Variants in UBE3D observed in about 807,000 individuals in gnomAD.
UBE3D encodes E3 ubiquitin-protein ligase E3D.
UBE3D carries 48 observed loss-of-function variants against 49.6 expected under a neutral mutation model. The observed-to-expected ratio is 0.97, with a 90% CI of 0.77 to 1.23. The LOEUF (loss-of-function observed/expected upper bound fraction) is 1.23. Among genes scored for constraint, UBE3D ranks in the 50% most tolerant of loss-of-function variants. The probability of loss-of-function intolerance (pLI) is 0.00; values close to 1 mark genes in which losing one functional copy is unlikely to be tolerated. For missense variants in UBE3D, 452 were observed against 468.4 expected (o/e 0.96, Z 0.32); for synonymous variants, 189 against 174.2 (o/e 1.08, Z -0.67).
intron 9 of UBE3D, among the ~76,000 whole-genome samples, chr6:82,933,411 C>T (rs1774317423): frequency 6.6e-6 from 1 of 152,312 alleles, no homozygotes; most frequent in South Asian, 2.1e-4. Flanking sequence ...AGTAAATACA[C>T]AGTCACAATC....
At chr6:83,002,483 G>A (rs1439986556) in intron 8 of UBE3D, among the ~76,000 whole-genome samples, 4 of 152,134 alleles carry the variant, frequency 2.6e-5, no homozygotes, top group South Asian at 4.1e-4. Context: ...TCAGAAGTTC[G>A]AGACCAACCT....
At chr6:82,970,896 T>C (rs10943918) in intron 8 of UBE3D, among the ~76,000 whole-genome samples, 25,456 of 152,008 alleles carry the variant, frequency 0.17, 2,209 homozygotes, top group African/African-American at 0.21. Context: ...GGACTCTCTC[T>C]CCTCAACAAC....
intron 5 of UBE3D, among the ~76,000 whole-genome samples, 177 bp from the exon 6 acceptor site, chr6:83,024,215 CA>C: frequency 6.6e-6 from 1 of 152,164 alleles, no homozygotes; most frequent in East Asian, 1.9e-4. Flanking sequence ...TTGGTCACTA[CA>C]AGGAGATAGT....
At chr6:82,953,408 A>G (rs1157244098) in intron 9 of UBE3D, among the ~76,000 whole-genome samples, 2 of 152,328 alleles carry the variant, frequency 1.3e-5, no homozygotes, top group East Asian at 1.9e-4. Flanking sequence ...TGCAGTTTCA[A>G]TGTGGATACC....
At chr6:83,017,998 G>A (rs943610802) in intron 8 of UBE3D, 2 of 152,068 alleles carry the variant, frequency 1.3e-5, no homozygotes, top group Non-Finnish European at 2.9e-5. Context: ...GAACAGAAAA[G>A]GAAGTGGAAG....
chr6:82,975,964 T>C (rs1273826916), intron 8 of UBE3D, among the ~76,000 whole-genome samples: 1 of 152,202 alleles, frequency 6.6e-6, no homozygotes, highest in Admixed American at 6.5e-5. Flanking sequence ...TAATATCTAT[T>C]ATCAAGAGAA....
chr6:82,959,833 T>A (rs1776425025), intron 8 of UBE3D, among the ~76,000 whole-genome samples: 1 of 150,432 alleles, frequency 6.6e-6, no homozygotes, highest in Non-Finnish European at 1.5e-5. Flanking sequence ...CCACACCCCT[T>A]CAAGCACCTC....
chr6:82,932,307 A>G (rs1582386479), intron 9 of UBE3D, among the ~76,000 whole-genome samples: 1 of 152,234 alleles, frequency 6.6e-6, no homozygotes, highest in African/African-American at 2.4e-5. Flanking sequence ...AGACTGACCC[A>G]TTAAATGATA....
At chr6:82,917,739 CA>C (rs1221447824) in intron 9 of UBE3D, among the ~76,000 whole-genome samples, 1 of 152,188 alleles carries the variant, frequency 6.6e-6, no homozygotes, top group Admixed American at 6.6e-5. Flanking sequence ...CAGACAAAGA[CA>C]AAGGCAGAGA....
At chr6:82,912,767 C>G (rs1055624983) in intron 9 of UBE3D, among the ~76,000 whole-genome samples, 3 of 152,206 alleles carry the variant, frequency 2.0e-5, no homozygotes, top group African/African-American at 7.2e-5. Context: ...CATACATCCA[C>G]GTAGTCATCC....
At chr6:82,971,127 T>C (rs1364042378) in intron 8 of UBE3D, among the ~76,000 whole-genome samples, 3 of 152,174 alleles carry the variant, frequency 2.0e-5, no homozygotes, top group Non-Finnish European at 4.4e-5. Flanking sequence ...TAATTTACTA[T>C]TTTCTGACAA....
intron 8 of UBE3D, among the ~76,000 whole-genome samples, chr6:83,004,782 C>A (rs945277343): frequency 1.3e-5 from 2 of 152,094 alleles, no homozygotes; most frequent in Non-Finnish European, 2.9e-5. Flanking sequence ...TATAATTAAC[C>A]TTTGTTTCTT....
chr6:82,914,019 A>T (rs1240581251), intron 9 of UBE3D, among the ~76,000 whole-genome samples: 1 of 152,210 alleles, frequency 6.6e-6, no homozygotes, highest in Non-Finnish European at 1.5e-5. Flanking sequence ...AGTTTAAGAG[A>T]CAGAGACACT....
chr6:82,931,450 C>T (rs978163681), intron 9 of UBE3D, among the ~76,000 whole-genome samples: 3 of 152,212 alleles, frequency 2.0e-5, no homozygotes, highest in Non-Finnish European at 2.9e-5. Context: ...AAGCCACAGA[C>T]ACTCAACACC....
chr6:82,903,432 G>C (rs1771879068), intron 9 of UBE3D, among the ~76,000 whole-genome samples: 1 of 152,176 alleles, frequency 6.6e-6, no homozygotes, highest in South Asian at 2.1e-4. Flanking sequence ...CAGAGGAGGA[G>C]AGCCAACAGG....
chr6:83,019,050 T>G lies in UBE3D; in HGVS notation c.933A>C (p.Thr311=). 1 of 1,614,062 alleles carries G rather than the reference T, an allele frequency of 6.2e-7. No homozygotes were observed. Among genetic ancestry groups the G allele is most frequent in the Non-Finnish European group, 8.5e-7 (1 of 1,179,966 alleles). ...AGGCAGAACTAGAATCGGCTTTGAA[T>G]GTGTTTTCCAACAAGGGGAATTTTT... ...YIKKFPLLEN[T]FKADSSSAWS... is the part of the protein sequence containing the mutation. Residue 311 remains threonine, a synonymous_variant, in exon 8 of 10, where the codon ACA becomes ACC. Transcript: ENST00000369747.
At chr6:83,056,543 C>A (rs1783826344) in intron 2 of UBE3D, among the ~76,000 whole-genome samples, 1 of 152,162 alleles carries the variant, frequency 6.6e-6, no homozygotes, top group South Asian at 2.1e-4. Flanking sequence ...TAGTATTTAT[C>A]CTACAACATT....
intron 9 of UBE3D, among the ~76,000 whole-genome samples, chr6:82,916,350 G>A (rs1186405051): frequency 6.6e-6 from 1 of 152,100 alleles, no homozygotes; most frequent in Admixed American, 6.6e-5. Context: ...AGACATTACT[G>A]ACATCTAAGT....
intron 5 of UBE3D, among the ~76,000 whole-genome samples, chr6:83,034,466 T>C (rs1019977720): frequency 6.6e-6 from 1 of 152,108 alleles, no homozygotes. Context: ...TGTCGTCACA[T>C]GTTGATCTAG....
Sources: allele counts gnomAD v4.1 joint callset (sites outside exome capture counted in the v4.1 genomes callset), GRCh38; gene constraint gnomAD v4.1.1; transcripts MANE v1.5; gene names NCBI Gene and HGNC (gene_info 2026-07-23, HGNC 2026-07-21).